The following KLHL9 variants were observed in gnomAD, a reference collection of about 807,000 sequenced individuals.
KLHL9 encodes the protein kelch-like protein 9.
In KLHL9, 27 loss-of-function variants were observed where a neutral mutation model predicts 42.3. The observed-to-expected ratio is 0.64, with a 90% CI of 0.47 to 0.88. KLHL9 has a LOEUF of 0.88. Ranked by LOEUF, KLHL9 falls within the 40% of genes least tolerant of loss-of-function variation. The pLI is 0.00. For missense variants in KLHL9, 629 were observed against 750.3 expected (o/e 0.84, Z 1.89); for synonymous variants, 274 against 254.4 (o/e 1.08, Z -0.73).
In KLHL9 at chr9:21,331,917, C is replaced by T. The variant is rs1335227383; in HGVS notation, c.*1089G>A. 3 of 152,570 alleles carry T rather than the reference C, an allele frequency of 2.0e-5. No homozygotes were observed. The highest frequency in any genetic ancestry group is 4.4e-5 in the Non-Finnish European group (3 of 68,058). The allele number at this position is 152,570 out of a possible 1,614,324, so 9.5% of individuals were successfully genotyped here. Reference sequence around the variant, plus strand: ...GACTGGAACAGCACCAGGGCAAGCACCCCAAATCACAAAATAATCATGTTA... The same window carrying T: ...GACTGGAACAGCACCAGGGCAAGCATCCCAAATCACAAAATAATCATGTTA... On this transcript the variant is annotated 3_prime_UTR_variant, in exon 1 of 1. Coordinates refer to ENST00000359039, the MANE Select transcript of KLHL9 (RefSeq NM_018847.4).
chr9:21,334,199 G>C lies in KLHL9; in HGVS notation c.661C>G (p.Arg221Gly). The C allele has an allele frequency of 1.9e-6, 3 of 1,614,148 alleles. No homozygotes were observed. The highest frequency in any genetic ancestry group is 2.2e-5 in the East Asian group (1 of 44,888). The part of the protein sequence containing the change: ...TELELFKAAC[R>G]WLRLEDPRMD... ...CGAGGGTCTTCCAACCTTAGCCAGC[G>C]ACAGGCTGCCTTAAAGAGTTCAAGT... is the stretch of plus-strand genomic sequence containing the variant. The change falls in exon 1 of 1, where the codon CGC becomes GGC. Residue 221 changes from arginine (R) to glycine (G), a missense_variant. This residue lies in a region of KLHL9 where 351 missense variants were observed against 363.1 expected (regional missense o/e 0.97). Transcript: ENST00000359039. The surrounding 1 kb of genome is among the most constrained non-coding windows in gnomAD (Gnocchi z 5.1).
rs142392704 is a variant in KLHL9, at chr9:21,333,720, C to T, written c.1140G>A (p.Met380Ile). 2.6e-3 allele frequency: 4,157 copies of T among 1,614,216 alleles called. 9 individuals are homozygous for T. The highest frequency in any genetic ancestry group is 3.1e-3 in the Non-Finnish European group (3,714 of 1,180,052). ...FRFDPRYNKW[M>I]QVASLNEKRT... ...GCTTTTCATTTAATGATGCAACCTGCATCCATTTATTATACCGAGGATCAA... is the reference window on the plus strand; with the variant it reads ...GCTTTTCATTTAATGATGCAACCTGTATCCATTTATTATACCGAGGATCAA... The change falls in exon 1 of 1, where the codon ATG (methionine) becomes ATA (isoleucine). Residue 380 changes from methionine to isoleucine, a missense_variant. Met to Ile is a conservative substitution (Grantham distance 10, BLOSUM62 1). This residue lies in a region of KLHL9 where 214 missense variants were observed against 305.8 expected (regional missense o/e 0.70). Transcript: ENST00000359039. The surrounding 1 kb of genome is among the most constrained non-coding windows in gnomAD (Gnocchi z 7.5).
In KLHL9 at chr9:21,335,245, CCGCTGCGCCCTCCGCTGTACCTAGAGTGT is replaced by C. The variant is rs935647477; in HGVS notation, c.-415_-387del. 1.2e-4 allele frequency: 58 copies of C among 484,112 alleles called. No homozygotes were observed. The Admixed American group carries it at 1.2e-3, about 10-fold the overall frequency. The allele number at this position is 484,112 out of a possible 1,614,324, so 30.0% of individuals were successfully genotyped here. On this transcript the variant is annotated 5_prime_UTR_variant, in exon 1 of 1. Coordinates refer to ENST00000359039, the MANE Select transcript of KLHL9 (RefSeq NM_018847.4). ...GGGTCCGGACACCTCAGCGAACGGC[CCGCTGCGCCCTCCGCTGTACCTAGAGTGT>C]CGCAGCGGCCACCGGCCTGTCTTTG...
rs1050544190 is a variant in KLHL9 at position 21,331,100 on chromosome 9, G to A, written c.*1906C>T. 1.3e-5 allele frequency: 2 copies of A among 152,402 alleles called. No individual in the cohort carries two copies. The highest frequency in any genetic ancestry group is 4.8e-5 in the African/African-American group (2 of 41,360). The allele number at this position is 152,402 out of a possible 1,614,324, so 9.4% of individuals were successfully genotyped here. A position where few individuals can be genotyped will look rare whatever the true frequency, so the allele number is the denominator to read the frequency against. ...AAAGCAACTCCAACAGATAACAGAA[G>A]GGCAAAAGGACAGGAACATCTGATC... On this transcript the variant is annotated 3_prime_UTR_variant, in exon 1 of 1. Coordinates refer to ENST00000359039, the MANE Select transcript of KLHL9 (RefSeq NM_018847.4).
chr9:21,331,762 C>T lies in KLHL9; in HGVS notation c.*1244G>A, dbSNP rs1820175400. 1 of 152,576 alleles carries T rather than the reference C, an allele frequency of 6.6e-6. No individual in the cohort carries two copies. The allele number at this position is 152,576 out of a possible 1,614,324, so 9.5% of individuals were successfully genotyped here. A position where few individuals can be genotyped will look rare whatever the true frequency, so the allele number is the denominator to read the frequency against. On this transcript the variant is annotated 3_prime_UTR_variant, in exon 1 of 1. Coordinates refer to ENST00000359039, the MANE Select transcript of KLHL9 (RefSeq NM_018847.4). ...CTCTGTAGCTGGCTTCTTTGGGAAT[C>T]TGAAGTTGGTCCTGTCTTTGAGACA...
chr9:21,332,764 C>T lies in KLHL9; in HGVS notation c.*242G>A, dbSNP rs1820195564. The T allele has an allele frequency of 3.9e-6, 2 of 518,154 alleles. No individual in the cohort carries two copies. Among genetic ancestry groups the T allele is most frequent in the Admixed American group, 3.7e-5 (1 of 26,780 alleles). The allele number at this position is 518,154 out of a possible 1,614,324, so 32.1% of individuals were successfully genotyped here. ...CACAGTCATCTACAATTTTATATAA[C>T]ATCACAAAAAGACATCTAAACATTT... is the stretch of plus-strand genomic sequence containing the variant. On this transcript the variant is annotated 3_prime_UTR_variant, in exon 1 of 1. Transcript: ENST00000359039.
Position 21,333,138 on chromosome 9 carries a change from C to T in KLHL9, c.1722G>A (p.Trp574Ter). 2 of 1,614,138 alleles carry T rather than the reference C, an allele frequency of 1.2e-6. No individual in the cohort carries two copies. The highest frequency in any genetic ancestry group is 1.7e-6 in the Non-Finnish European group (2 of 1,179,988). ...VQKYDPEKDE[W>*]HKVFDLPESL... ...ACTCTGGAAGATCAAAAACTTTATGCCACTCATCTTTTTCTGGGTCATATT... is the reference window on the plus strand; with the variant it reads ...ACTCTGGAAGATCAAAAACTTTATGTCACTCATCTTTTTCTGGGTCATATT... Residue 574 changes from tryptophan (W) to a stop codon, truncating the protein, a stop_gained, in exon 1 of 1, where the codon TGG (tryptophan) becomes TGA (stop). Coordinates refer to ENST00000359039, the MANE Select transcript of KLHL9 (RefSeq NM_018847.4). LOFTEE classifies it high-confidence loss of function. This position sits in a 1 kb window ranked among gnomAD's most constrained non-coding sequence, Gnocchi z 7.5.
At position 21,330,250 on chromosome 9, in the gene KLHL9, C is replaced by CT. The variant is rs1197376106; in HGVS notation, c.*2755dup. 6.6e-6 allele frequency: 1 copy of CT among 152,130 alleles called. No individual in the cohort carries two copies. Among genetic ancestry groups the CT allele is most frequent in the Admixed American group, 6.5e-5 (1 of 15,276 alleles). The allele number at this position is 152,130 out of a possible 1,614,324, so 9.4% of individuals were successfully genotyped here. A position where few individuals can be genotyped will look rare whatever the true frequency, so the allele number is the denominator to read the frequency against. The stretch of plus-strand genomic sequence containing the variant: ...ATATTTCACGTTTCAGACACGTAGT[C>CT]TGAAGGTAATTATAATAGTCTTAAT... On this transcript the variant is annotated 3_prime_UTR_variant, in exon 1 of 1. Coordinates refer to ENST00000359039, the MANE Select transcript of KLHL9 (RefSeq NM_018847.4).
chr9:21,333,391 GT>G lies in KLHL9; in HGVS notation c.1468del (p.Thr490GlnfsTer24). 6.2e-7 allele frequency: 1 copy of G among 1,614,144 alleles called. No homozygotes were observed. Among genetic ancestry groups the G allele is most frequent in the African/African-American group, 1.3e-5 (1 of 75,028 alleles). On this transcript the variant is annotated frameshift_variant, in exon 1 of 1. Coordinates refer to ENST00000359039, the MANE Select transcript of KLHL9 (RefSeq NM_018847.4). LOFTEE classifies it high-confidence loss of function. The surrounding 1 kb of genome is among the most constrained non-coding windows in gnomAD (Gnocchi z 7.5). ...TTVRGLHCMC[T>X]VGDKLYVIGG... is the part of the protein sequence containing the mutation. ...AATGACATAGAGCTTATCTCCAACTGTACACATGCAATGCAGACCTCTGACT... is the reference window on the plus strand; with the variant it reads ...AATGACATAGAGCTTATCTCCAACTGACACATGCAATGCAGACCTCTGACT...
At position 21,330,694 on chromosome 9, in the gene KLHL9, G is replaced by C; in HGVS notation, c.*2312C>G. On this transcript the variant is annotated 3_prime_UTR_variant, in exon 1 of 1. Coordinates refer to ENST00000359039, the MANE Select transcript of KLHL9 (RefSeq NM_018847.4). ...AGGGCAGTATCACCTTGATATGTCA[G>C]AATAAGCACTGAAATACTACATAAA... is the stretch of plus-strand genomic sequence containing the variant. The C allele has an allele frequency of 6.6e-6, 1 of 152,080 alleles. No individual in the cohort carries two copies. Among genetic ancestry groups the C allele is most frequent in the East Asian group, 1.9e-4 (1 of 5,198 alleles). The allele number at this position is 152,080 out of a possible 1,614,324, so 9.4% of individuals were successfully genotyped here.
rs1480540004 is a variant in KLHL9, at chr9:21,329,902, T to C, written c.*3104A>G. On this transcript the variant is annotated 3_prime_UTR_variant, in exon 1 of 1. Transcript: ENST00000359039. ...AAGCTAACAAATGTTAATTTTTGAA[T>C]ACTTTCCGAAAAACTAAAACAAGAA... 1 of 152,140 alleles carries C rather than the reference T, an allele frequency of 6.6e-6. No individual in the cohort carries two copies. Among genetic ancestry groups the C allele is most frequent in the Non-Finnish European group, 1.5e-5 (1 of 67,992 alleles). The allele number at this position is 152,140 out of a possible 1,614,324, so 9.4% of individuals were successfully genotyped here.
At position 21,332,929 on chromosome 9, in the gene KLHL9, A is replaced by G. The variant is rs1563853952; in HGVS notation, c.*77T>C. 2 of 1,599,810 alleles carry G rather than the reference A, an allele frequency of 1.3e-6. No individual in the cohort carries two copies. Among genetic ancestry groups the G allele is most frequent in the Non-Finnish European group, 1.7e-6 (2 of 1,171,244 alleles). Reference sequence around the variant, plus strand: ...ACCTTTATATCTAATAACTGTACCAATCACTGTAAGAAGATACAACTGAAG... The same window carrying G: ...ACCTTTATATCTAATAACTGTACCAGTCACTGTAAGAAGATACAACTGAAG... On this transcript the variant is annotated 3_prime_UTR_variant, in exon 1 of 1. Transcript: ENST00000359039.
chr9:21,332,594 A>G lies in KLHL9; in HGVS notation c.*412T>C, dbSNP rs1439975841. 5.9e-6 allele frequency: 1 copy of G among 170,470 alleles called. No homozygotes were observed. The highest frequency in any genetic ancestry group is 2.4e-5 in the African/African-American group (1 of 41,688). 10.6% of individuals were successfully genotyped at this position (170,470 alleles called of 1,614,324 possible). ...AATCGAGTAAGTTGACAGACATGAC[A>G]AAAACTACGAAAAGAGGGAGGTAAC... On this transcript the variant is annotated 3_prime_UTR_variant, in exon 1 of 1. Coordinates refer to ENST00000359039, the MANE Select transcript of KLHL9 (RefSeq NM_018847.4).
chr9:21,333,322 A>G lies in KLHL9; in HGVS notation c.1538T>C (p.Leu513Pro). The change falls in exon 1 of 1, where the codon CTA becomes CCA. Residue 513 changes from leucine (L) to proline (P), a missense_variant. By Grantham distance (98) the Leu-to-Pro change is moderately conservative. Coordinates refer to ENST00000359039, the MANE Select transcript of KLHL9 (RefSeq NM_018847.4). This position sits in a 1 kb window ranked among gnomAD's most constrained non-coding sequence, Gnocchi z 7.5. ...FRGTSDYDDV[L>P]SCEYYSPTLD... ...GGTTGGTGAATAGTATTCACAGCTT[A>G]GAACATCATCATAATCACTTGTTCC... 1 of 1,614,234 alleles carries G rather than the reference A, an allele frequency of 6.2e-7. No homozygotes were observed. The highest frequency in any genetic ancestry group is 8.5e-7 in the Non-Finnish European group (1 of 1,180,040).
In KLHL9 at chr9:21,335,350, G is replaced by C. The variant is rs976567889; in HGVS notation, c.-491C>G. The C allele has an allele frequency of 4.8e-6, 2 of 419,560 alleles. No homozygotes were observed. The highest frequency in any genetic ancestry group is 2.1e-5 in the African/African-American group (1 of 48,690). 26.0% of individuals were successfully genotyped at this position (419,560 alleles called of 1,614,324 possible). On this transcript the variant is annotated 5_prime_UTR_variant, in exon 1 of 1. Transcript: ENST00000359039. Reference sequence around the variant, plus strand: ...GGCCTGGGCTTGGGCCTAGAATACCGGCCTAGCCCCAACACCGAGCCGCTC... The same window carrying C: ...GGCCTGGGCTTGGGCCTAGAATACCCGCCTAGCCCCAACACCGAGCCGCTC...
chr9:21,333,231 A>C lies in KLHL9; in HGVS notation c.1629T>G (p.Phe543Leu). ...RGQSDVGVAVFENKIYVVGGY... is the reference protein window; with the variant it reads ...RGQSDVGVAVLENKIYVVGGY... ...CACCAACAACATAGATTTTATTTTC[A>C]AAGACGGCAACTCCAACATCACTTT... Residue 543 changes from phenylalanine (F) to leucine (L), a missense_variant, in exon 1 of 1, where the codon TTT becomes TTG. By Grantham distance (22) the Phe-to-Leu change is conservative. Around this residue, in one of 4 missense-constraint regions of KLHL9, gnomAD observed 214 missense variants for 305.8 expected, o/e 0.70. Transcript: ENST00000359039. The surrounding 1 kb of genome is among the most constrained non-coding windows in gnomAD (Gnocchi z 7.5). 1 of 1,613,688 alleles carries C rather than the reference A, an allele frequency of 6.2e-7. No homozygotes were observed. Among genetic ancestry groups the C allele is most frequent in the Middle Eastern group, 1.7e-4 (1 of 6,060 alleles).
At position 21,330,960 on chromosome 9, in the gene KLHL9, G is replaced by C. The variant is rs1293492201; in HGVS notation, c.*2046C>G. 1.3e-5 allele frequency: 2 copies of C among 151,418 alleles called. No homozygotes were observed. The highest frequency in any genetic ancestry group is 2.9e-5 in the Non-Finnish European group (2 of 67,854). 9.4% of individuals were successfully genotyped at this position (151,418 alleles called of 1,614,324 possible). On this transcript the variant is annotated 3_prime_UTR_variant, in exon 1 of 1. Coordinates refer to ENST00000359039, the MANE Select transcript of KLHL9 (RefSeq NM_018847.4). ...ACAAATTTGATCTCAAAAATTAACT[G>C]AACAGCGTTGCCTTTGTAAAACTAC...
chr9:21,333,655 T>A lies in KLHL9; in HGVS notation c.1205A>T (p.Tyr402Phe), dbSNP rs749652681. Residue 402 changes from tyrosine (Y) to phenylalanine (F), a missense_variant, in exon 1 of 1, where the codon TAT becomes TTT. This residue lies in a region of KLHL9 where 214 missense variants were observed against 305.8 expected (regional missense o/e 0.70). Transcript: ENST00000359039. The surrounding 1 kb of genome is among the most constrained non-coding windows in gnomAD (Gnocchi z 7.5). ...AGCTGCACTGCGCCCACCAACTGCA[T>A]ACAAATGTCCTTTGAGGGCACTCAA... is the stretch of plus-strand genomic sequence containing the variant. The part of the protein sequence containing the change: ...FHLSALKGHL[Y>F]AVGGRSAAGE... 6.2e-7 allele frequency: 1 copy of A among 1,614,232 alleles called. No homozygotes were observed. The highest frequency in any genetic ancestry group is 1.1e-5 in the South Asian group (1 of 91,080).
rs1262469538 is a variant in KLHL9 at position 21,335,206 on chromosome 9, G to T, written c.-347C>A. 1 of 496,686 alleles carries T rather than the reference G, an allele frequency of 2.0e-6. No homozygotes were observed. The highest frequency in any genetic ancestry group is 3.6e-6 in the Non-Finnish European group (1 of 274,710). 30.8% of individuals were successfully genotyped at this position (496,686 alleles called of 1,614,324 possible). A position where few individuals can be genotyped will look rare whatever the true frequency, so the allele number is the denominator to read the frequency against. ...CGCCGCCACGTACTGTGGCTCCACG[G>T]CCCGCTCGGCGGCGGGTCCGGACAC... On this transcript the variant is annotated 5_prime_UTR_variant, in exon 1 of 1. Coordinates refer to ENST00000359039, the MANE Select transcript of KLHL9 (RefSeq NM_018847.4).
Sources: gnomAD v4.1 joint callset for allele counts on GRCh38, gnomAD v4.1.1 for gene constraint, gnomAD v4.1.1 regional missense constraint, Gnocchi (gnomAD v3.1) non-coding constraint, MANE v1.5 for transcripts, NCBI Gene and HGNC (gene_info 2026-07-23, HGNC 2026-07-21) for gene names.